EFCAB13: variants seen among roughly 807,000 people sequenced by gnomAD.
The protein encoded by EFCAB13 is EF-hand calcium binding domain 13.
Under a neutral mutation model 110.2 loss-of-function variants are expected in EFCAB13, and 91 were observed. That is an observed-to-expected ratio of 0.83 (90% CI 0.70 to 0.98). EFCAB13 has a LOEUF of 0.98. Ranked by LOEUF, EFCAB13 falls within the 50% of genes least tolerant of loss-of-function variation. EFCAB13 has a pLI of 0.00. For synonymous variants in EFCAB13, 323 were observed against 369.9 expected, an observed-to-expected ratio of 0.87 and a Z score of 1.45; for missense variants, 968 against 1,119.4, an observed-to-expected ratio of 0.86 and a Z score of 1.93.
At chr17:47,375,884 T>C (rs1177855667) in intron 12 of EFCAB13, among the ~76,000 whole-genome samples, 3 of 152,164 alleles carry the variant, frequency 2.0e-5, no homozygotes, top group Non-Finnish European at 4.4e-5. Context: ...TTATCTCTTA[T>C]GGAAGGAGAA....
chr17:47,401,805 C>T (rs987286951), intron 17 of EFCAB13, among the ~76,000 whole-genome samples: 8 of 151,928 alleles, frequency 5.3e-5, no homozygotes, highest in South Asian at 2.1e-4. Context: ...CCACCACACC[C>T]GGCTAATTTT....
At chr17:47,433,619 A>G (rs902766940) in intron 24 of EFCAB13, among the ~76,000 whole-genome samples, 10 of 152,168 alleles carry the variant, frequency 6.6e-5, no homozygotes, top group African/African-American at 2.2e-4. Flanking sequence ...GCCTGTAGCA[A>G]TTATTACTGT....
Position 47,377,784 on chromosome 17 carries a change from T to C in EFCAB13, c.1391T>C (p.Ile464Thr). ...ISTLENFCEAISKLQENYIAA... is the reference protein window; with the variant it reads ...ISTLENFCEATSKLQENYIAA... ...TATTTAGAAAACTTCTGTGAAGCTA[T>C]CAGTAAACTTCAAGAAAATTACATT... is the stretch of plus-strand genomic sequence containing the variant. Residue 464 changes from isoleucine to threonine, a missense_variant, in exon 13 of 25, where the codon ATC (isoleucine) becomes ACC (threonine). By Grantham distance (89) the Ile-to-Thr change is moderately conservative. Coordinates refer to ENST00000331493, the MANE Select transcript of EFCAB13 (RefSeq NM_152347.5). 1.3e-6 allele frequency: 2 copies of C among 1,584,242 alleles called. No individual in the cohort carries two copies. The highest frequency in any genetic ancestry group is 2.3e-5 in the East Asian group (1 of 43,900).
intron 18 of EFCAB13, among the ~76,000 whole-genome samples, chr17:47,403,047 GT>G (rs1204327975): frequency 1.3e-5 from 2 of 152,160 alleles, no homozygotes; most frequent in Non-Finnish European, 2.9e-5. Context: ...GCTGATACAG[GT>G]TTTCTGGGTG....
At chr17:47,383,543 T>G (rs2065658581) in intron 14 of EFCAB13, among the ~76,000 whole-genome samples, 1 of 152,186 alleles carries the variant, frequency 6.6e-6, no homozygotes, top group Non-Finnish European at 1.5e-5. Flanking sequence ...ATTTACCCAG[T>G]AGTCATTCAG....
rs997021554 is a variant in EFCAB13, at chr17:47,346,710, C to G, written c.518-1098C>G. On this transcript the variant is annotated intron_variant, in intron 8 of 24. Transcript: ENST00000331493. Reference sequence around the variant, plus strand: ...CAACATTCATATCCTTTCATCTTGTCTCATTGGAAAAGGTGCCCTTTCACC... The same window carrying G: ...CAACATTCATATCCTTTCATCTTGTGTCATTGGAAAAGGTGCCCTTTCACC... Among the ~76,000 whole-genome samples, 6 of 152,242 alleles carry G rather than the reference C, an allele frequency of 3.9e-5. No homozygotes were observed. In the South Asian group the frequency reaches 6.2e-4, roughly 16 times the overall value.
chr17:47,373,152 A>G (rs1421733192), intron 11 of EFCAB13, among the ~76,000 whole-genome samples: 1 of 152,092 alleles, frequency 6.6e-6, no homozygotes, highest in East Asian at 1.9e-4. Context: ...TTTTCAAATA[A>G]CTTGTTGTCA....
At chr17:47,371,062 G>GTTTT (rs779767798) in intron 11 of EFCAB13, among the ~76,000 whole-genome samples, 8 of 108,958 alleles carry the variant, frequency 7.3e-5, no homozygotes, top group South Asian at 6.3e-4. Flanking sequence ...TTTAATGGTT[G>GTTTT]TTTTTTTTTT....
At chr17:47,391,353 T>C in intron 14 of EFCAB13, 84 bp from the exon 15 acceptor site, 1 of 1,025,288 alleles carries the variant, frequency 9.8e-7, no homozygotes. Context: ...GTTAATTTAG[T>C]GTTAGAACTA....
intron 14 of EFCAB13, among the ~76,000 whole-genome samples, chr17:47,386,418 A>T (rs921414822): frequency 6.6e-6 from 1 of 152,132 alleles, no homozygotes; most frequent in African/African-American, 2.4e-5. Context: ...ACCCAGTCCG[A>T]ACTTCCAGGC....
At chr17:47,356,712 T>A (rs909591451) in intron 9 of EFCAB13, among the ~76,000 whole-genome samples, 1 of 152,224 alleles carries the variant, frequency 6.6e-6, no homozygotes, top group Non-Finnish European at 1.5e-5. Flanking sequence ...GGTGGCACTT[T>A]CAAGAGCACA....
intron 9 of EFCAB13, among the ~76,000 whole-genome samples, chr17:47,361,025 T>A (rs1489350655): frequency 1.3e-5 from 2 of 152,202 alleles, no homozygotes; most frequent in African/African-American, 4.8e-5. Flanking sequence ...GTTAAATTGT[T>A]TTAAAATTAT....
At chr17:47,429,315 C>T (rs1167014238) in intron 23 of EFCAB13, among the ~76,000 whole-genome samples, 4 of 152,072 alleles carry the variant, frequency 2.6e-5, no homozygotes, top group Non-Finnish European at 4.4e-5. Flanking sequence ...TGATTTAAAG[C>T]TTATTAGTAA....
At chr17:47,402,046 A>G in intron 17 of EFCAB13, 86 bp from the exon 18 acceptor site, 1 of 1,007,286 alleles carries the variant, frequency 9.9e-7, no homozygotes, top group Non-Finnish European at 1.6e-6. Flanking sequence ...GGAGTGCATC[A>G]AATGGTTTAC....
intron 9 of EFCAB13, among the ~76,000 whole-genome samples, chr17:47,360,535 C>T (rs1302963376): frequency 3.9e-5 from 6 of 152,154 alleles, no homozygotes; most frequent in African/African-American, 1.4e-4. Context: ...AGCCCTTTGT[C>T]AGATGAATAG....
chr17:47,404,722 A>G, intron 20 of EFCAB13, 89 bp downstream of exon 20: 4 of 953,178 alleles, frequency 4.2e-6, no homozygotes, highest in Non-Finnish European at 6.3e-6. Flanking sequence ...TGGTGTTTAA[A>G]TCTTCTTTAT....
intron 8 of EFCAB13, among the ~76,000 whole-genome samples, chr17:47,346,511 A>C (rs745924755): frequency 7.2e-6 from 1 of 138,588 alleles, no homozygotes; most frequent in Non-Finnish European, 1.5e-5. Context: ...GCTATTGTGA[A>C]TAGTACTGCA....
At chr17:47,382,873 T>C (rs1040475205) in intron 14 of EFCAB13, among the ~76,000 whole-genome samples, 1 of 152,204 alleles carries the variant, frequency 6.6e-6, no homozygotes, top group Non-Finnish European at 1.5e-5. Context: ...AGCCCCTCCT[T>C]GTACCTCTGG....
intron 11 of EFCAB13, 101 bp downstream of exon 11, chr17:47,370,609 C>T (rs2065576434): frequency 4.0e-6 from 3 of 746,184 alleles, no homozygotes; most frequent in South Asian, 4.6e-5. Flanking sequence ...TTTTGAAAAC[C>T]TTCTCTGAAT....
Sources: gnomAD v4.1 joint callset for allele counts (sites outside exome capture counted in the v4.1 genomes callset) on GRCh38, gnomAD v4.1.1 for gene constraint, MANE v1.5 for transcripts, NCBI Gene and HGNC (gene_info 2026-07-23, HGNC 2026-07-21) for gene names.